SLC18B1: variants seen among roughly 807,000 people sequenced by gnomAD.
SLC18B1 encodes the protein MFS-type transporter SLC18B1.
In SLC18B1, 62 loss-of-function variants were observed where a neutral mutation model predicts 53.9. The observed-to-expected ratio is 1.15, with a 90% CI of 0.94 to 1.42. The LOEUF (loss-of-function observed/expected upper bound fraction) is 1.42, where lower values mean the gene tolerates loss of function less well. Ranked by LOEUF, SLC18B1 falls within the 40% of genes most tolerant of loss-of-function variation. The probability of loss-of-function intolerance (pLI) is 0.00; values close to 1 mark genes in which losing one functional copy is unlikely to be tolerated. For missense variants in SLC18B1, 598 were observed against 547.3 expected, an observed-to-expected ratio of 1.09 and a Z score of -0.93; for synonymous variants, 217 against 200.9, an observed-to-expected ratio of 1.08 and a Z score of -0.68.
At position 132,769,943 on chromosome 6, in the gene SLC18B1, GA is replaced by G. The variant is rs1326741151; in HGVS notation, c.*326del. On this transcript the variant is annotated 3_prime_UTR_variant, in exon 14 of 14. Transcript: ENST00000275227. ...TACTTAGAATAAAAAATAAACAGAG[GA>G]AATAAGAACTAACTCGAGTTAATAA... is the stretch of plus-strand genomic sequence containing the variant. 5.3e-6 allele frequency: 1 copy of G among 187,716 alleles called. No homozygotes were observed. Among genetic ancestry groups the G allele is most frequent in the Non-Finnish European group, 1.1e-5 (1 of 91,354 alleles). The allele number at this position is 187,716 out of a possible 1,614,324, so 11.6% of individuals were successfully genotyped here.
chr6:132,778,989 C>T (rs7773338), intron 7 of SLC18B1, among the ~76,000 whole-genome samples: 110,803 of 152,132 alleles, frequency 0.73, 42,126 homozygotes, highest in African/African-American at 0.93. Flanking sequence ...TTAAGCAGCA[C>T]GGATGATGCC....
intron 9 of SLC18B1, 101 bp from the exon 10 acceptor site, chr6:132,773,189 T>C (rs747369243): frequency 3.6e-5 from 27 of 744,766 alleles, no homozygotes; most frequent in Non-Finnish European, 5.7e-5. Flanking sequence ...CCTGATAAGT[T>C]ATTTCACCGA....
At chr6:132,784,449 G>A (rs1048223521) in intron 5 of SLC18B1, among the ~76,000 whole-genome samples, 2 of 152,072 alleles carry the variant, frequency 1.3e-5, no homozygotes, top group Non-Finnish European at 2.9e-5. Context: ...TACATCATGA[G>A]AGCTACAATG....
chr6:132,784,338 T>C (rs1296922517), intron 5 of SLC18B1, among the ~76,000 whole-genome samples: 2 of 151,918 alleles, frequency 1.3e-5, no homozygotes, highest in Non-Finnish European at 1.5e-5. Context: ...ATAAAAAAGA[T>C]TGACAAATCT....
At chr6:132,787,706 A>C (rs1255857155) in intron 4 of SLC18B1, 125 bp from the exon 5 acceptor site, 1 of 804,772 alleles carries the variant, frequency 1.2e-6, no homozygotes, top group East Asian at 3.3e-5. Context: ...CCGCTTTAGA[A>C]TATGATTTTT....
chr6:132,796,846 G>A (rs1214259271), intron 2 of SLC18B1, 136 bp downstream of exon 2: 2 of 849,590 alleles, frequency 2.4e-6, no homozygotes, highest in Non-Finnish European at 3.3e-6. Context: ...TATTCTATTG[G>A]CTGGAGTTCT....
chr6:132,792,225 C>CAAGAGAGAA (rs553756627), intron 2 of SLC18B1, among the ~76,000 whole-genome samples: 2 of 44,532 alleles, frequency 4.5e-5, no homozygotes, highest in African/African-American at 1.5e-4. Flanking sequence ...AAGACACTGT[C>CAAGAGAGAA]AGAAAGAAAG....
rs1434870138 is a variant in SLC18B1 at position 132,770,342 on chromosome 6, T to C, written c.1305-6A>G. 6.2e-6 allele frequency: 10 copies of C among 1,609,852 alleles called. No individual in the cohort carries two copies. The highest frequency in any genetic ancestry group is 3.3e-5 in the South Asian group (3 of 90,978). Reference sequence around the variant, plus strand: ...GGATGTTTTGAGATTTAGACCTACATTGAGGGAAAGAAGAGATGAATCTCA... The same window carrying C: ...GGATGTTTTGAGATTTAGACCTACACTGAGGGAAAGAAGAGATGAATCTCA... On this transcript the variant is annotated splice_polypyrimidine_tract_variant and splice_region_variant and intron_variant, in intron 13 of 13. Coordinates refer to ENST00000275227, the MANE Select transcript of SLC18B1 (RefSeq NM_052831.3).
intron 2 of SLC18B1, among the ~76,000 whole-genome samples, chr6:132,794,915 G>A (rs1162731242): frequency 6.6e-6 from 1 of 152,108 alleles, no homozygotes; most frequent in Non-Finnish European, 1.5e-5. Context: ...GAGGCGAAAG[G>A]ATCTCTTGAG....
chr6:132,773,278 G>T (rs1781021115), intron 9 of SLC18B1, among the ~76,000 whole-genome samples, 190 bp from the exon 10 acceptor site: 1 of 138,968 alleles, frequency 7.2e-6, no homozygotes, highest in Admixed American at 7.1e-5. Flanking sequence ...TTACAGTTTT[G>T]GGGGCGGGGG....
rs747575765 is a variant in SLC18B1 at position 132,770,290 on chromosome 6, G to C, written c.1351C>G (p.Leu451Val). 2.5e-6 allele frequency: 4 copies of C among 1,613,730 alleles called. No individual in the cohort carries two copies. The highest frequency in any genetic ancestry group is 3.4e-6 in the Non-Finnish European group (4 of 1,179,622). ...ILSTEEERTT[L>V]LPNET ...TCGGACTAGGTTTCATTAGGCAAGA[G>C]AGTAGTTCGTTCCTCCTCTGTGCTG... is the stretch of plus-strand genomic sequence containing the variant. The change falls in exon 14 of 14, where the codon CTC (leucine) becomes GTC (valine). Residue 451 changes from leucine to valine, a missense_variant. Transcript: ENST00000275227.
chr6:132,783,096 ATAC>A (rs1781277567), intron 6 of SLC18B1, among the ~76,000 whole-genome samples: 1 of 152,106 alleles, frequency 6.6e-6, no homozygotes, highest in Non-Finnish European at 1.5e-5. Context: ...ATTTTTAAAA[ATAC>A]TACTAATTGG....
intron 8 of SLC18B1, among the ~76,000 whole-genome samples, chr6:132,775,980 G>A (rs1781090169): frequency 6.6e-6 from 1 of 152,164 alleles, no homozygotes; most frequent in Non-Finnish European, 1.5e-5. Context: ...GATGCAGGAG[G>A]ATCACTTGAA....
intron 5 of SLC18B1, among the ~76,000 whole-genome samples, chr6:132,784,520 T>C (rs1207602540): frequency 6.6e-6 from 1 of 152,166 alleles, no homozygotes; most frequent in East Asian, 1.9e-4. Context: ...GACATATAGA[T>C]GGAATACAAA....
intron 8 of SLC18B1, 33 bp downstream of exon 8, chr6:132,776,295 A>G (rs780459537): frequency 1.3e-6 from 2 of 1,544,240 alleles, no homozygotes; most frequent in Non-Finnish European, 1.8e-6. Context: ...TAAACATACA[A>G]AAGTGACTCA....
chr6:132,776,466 A>G (rs1256126845), intron 7 of SLC18B1, 37 bp from the exon 8 acceptor site: 1 of 1,502,156 alleles, frequency 6.7e-7, no homozygotes, highest in Admixed American at 1.7e-5. Context: ...TACATAATTA[A>G]GTCATTTTTA....
At chr6:132,777,734 A>T (rs1169608195) in intron 7 of SLC18B1, among the ~76,000 whole-genome samples, 9 of 152,224 alleles carry the variant, frequency 5.9e-5, no homozygotes, top group Non-Finnish European at 1.3e-4. Context: ...AAACAAAACA[A>T]AAAAGATAAA....
At chr6:132,798,298 GC>G in intron 1 of SLC18B1, 115 bp downstream of exon 1, 1 of 1,167,216 alleles carries the variant, frequency 8.6e-7, no homozygotes, top group East Asian at 3.0e-5. Flanking sequence ...TCAGGCCCCA[GC>G]CTTTTCCAAT....
chr6:132,792,335 G>A (rs1444694771), intron 2 of SLC18B1, among the ~76,000 whole-genome samples: 6 of 118,642 alleles, frequency 5.1e-5, no homozygotes, highest in Admixed American at 2.4e-4. Context: ...AAGGAAGGAA[G>A]GAAGGAAGGA....
Sources: allele counts gnomAD v4.1 joint callset (sites outside exome capture counted in the v4.1 genomes callset), GRCh38; gene constraint gnomAD v4.1.1; transcripts MANE v1.5; gene names NCBI Gene and HGNC (gene_info 2026-07-23, HGNC 2026-07-21).